DLC1: variants seen among roughly 807,000 people sequenced by gnomAD.
DLC1 encodes rho GTPase-activating protein 7.
A neutral mutation model predicts 140.3 loss-of-function variants in DLC1; 54 were observed. The ratio of observed to expected loss-of-function variants is 0.38; its 90% CI spans 0.31 to 0.48. The LOEUF is 0.48. Ranked by LOEUF, DLC1 falls within the 20% of genes least tolerant of loss-of-function variation. The pLI is 0.96. For missense variants in DLC1, 2,536 were observed against 1,907.0 expected (o/e 1.33, Z -6.14); for synonymous variants, 986 against 728.1 (o/e 1.35, Z -5.70).
At chr8:13,259,206 A>G (rs144900761) in intron 5 of DLC1, among the ~76,000 whole-genome samples, 1 of 152,070 alleles carries the variant, frequency 6.6e-6, no homozygotes, top group African/African-American at 2.4e-5. Context: ...TACCCACTCC[A>G]TCACTCCAGT....
chr8:13,147,732 G>C (rs913699918), intron 5 of DLC1, among the ~76,000 whole-genome samples: 1 of 152,052 alleles, frequency 6.6e-6, no homozygotes, highest in African/African-American at 2.4e-5. Context: ...GCTCACGCTT[G>C]TAATCCCAGC....
intron 4 of DLC1, among the ~76,000 whole-genome samples, chr8:13,321,538 A>AAAAAG (rs761289075): frequency 4.3e-3 from 49 of 11,424 alleles, no homozygotes; most frequent in Middle Eastern, 0.17. Context: ...CTCAGTCTCA[A>AAAAAG]AAAAGAAAAA....
At chr8:13,523,728 A>G (rs1386510354) in intron 1 of DLC1, among the ~76,000 whole-genome samples, 1 of 152,210 alleles carries the variant, frequency 6.6e-6, no homozygotes, top group Non-Finnish European at 1.5e-5. Flanking sequence ...TTTAGAAGAA[A>G]ATTGAAAGCC....
At chr8:13,324,968 A>G (rs1437719124) in intron 4 of DLC1, among the ~76,000 whole-genome samples, 2 of 152,234 alleles carry the variant, frequency 1.3e-5, no homozygotes, top group Non-Finnish European at 2.9e-5. Context: ...CCAAATGGTT[A>G]GTTTGTTTGT....
chr8:13,094,002 G>T (rs1262219634), intron 12 of DLC1, among the ~76,000 whole-genome samples: 1 of 152,122 alleles, frequency 6.6e-6, no homozygotes, highest in Non-Finnish European at 1.5e-5. Context: ...ATGAATAACA[G>T]AAAAAGATTA....
intron 2 of DLC1, among the ~76,000 whole-genome samples, chr8:13,414,061 T>C (rs1837934126): frequency 6.6e-6 from 1 of 152,156 alleles, no homozygotes; most frequent in African/African-American, 2.4e-5. Context: ...AATTACAGTC[T>C]GTAAAAAGCT....
At chr8:13,093,912 C>A (rs1818289389) in intron 12 of DLC1, among the ~76,000 whole-genome samples, 1 of 152,200 alleles carries the variant, frequency 6.6e-6, no homozygotes, top group Non-Finnish European at 1.5e-5. Flanking sequence ...TTAATTTCGA[C>A]AACTGTTTTC....
intron 5 of DLC1, among the ~76,000 whole-genome samples, chr8:13,239,077 A>T (rs1401744555): frequency 6.6e-6 from 1 of 152,154 alleles, no homozygotes; most frequent in Non-Finnish European, 1.5e-5. Context: ...TGCTTTATAT[A>T]AAAAGGAGAT....
chr8:13,457,837 A>G (rs1799481590), intron 2 of DLC1, among the ~76,000 whole-genome samples: 1 of 152,138 alleles, frequency 6.6e-6, no homozygotes, highest in Admixed American at 6.5e-5. Context: ...TAGAAGGAAG[A>G]AAAACATGAA....
At chr8:13,431,482 C>CAAAAAAAAAAAAAAAAAAAAAAAAAA (rs56057254) in intron 2 of DLC1, among the ~76,000 whole-genome samples, 1 of 40,598 alleles carries the variant, frequency 2.5e-5, no homozygotes, top group Non-Finnish European at 3.9e-5. Context: ...GACTCCGTCT[C>CAAAAAAAAAAAAAAAAAAAAAAAAAA]AAAAAAAAAA....
At chr8:13,284,396 G>A (rs372164840) in intron 5 of DLC1, among the ~76,000 whole-genome samples, 28 of 152,056 alleles carry the variant, frequency 1.8e-4, no homozygotes, top group South Asian at 6.2e-4. Context: ...GCGTGGTGGC[G>A]GGCGCCTGTA....
At chr8:13,346,544 A>G (rs1834348473) in intron 4 of DLC1, among the ~76,000 whole-genome samples, 2 of 152,206 alleles carry the variant, frequency 1.3e-5, no homozygotes, top group South Asian at 2.1e-4. Context: ...AAACCATCAC[A>G]TATGTAAAGT....
chr8:13,204,357 C>G (rs144697129), intron 5 of DLC1, among the ~76,000 whole-genome samples: 1 of 152,262 alleles, frequency 6.6e-6, no homozygotes, highest in African/African-American at 2.4e-5. Context: ...CTGTTACTTG[C>G]CGGCCAATGT....
At chr8:13,417,624 T>G (rs143184978) in intron 2 of DLC1, among the ~76,000 whole-genome samples, 5,237 of 151,800 alleles carry the variant, frequency 0.034, 295 homozygotes, top group African/African-American at 0.12. Flanking sequence ...TGGACATTTG[T>G]GTTGGTTCCA....
chr8:13,593,033 G>A (rs567174374), intron 1 of DLC1, among the ~76,000 whole-genome samples: 4 of 152,110 alleles, frequency 2.6e-5, no homozygotes, highest in African/African-American at 7.2e-5. Flanking sequence ...TAGCTTTGGC[G>A]TATGAATAAG....
chr8:13,465,333 T>C (rs1359326432), intron 2 of DLC1, among the ~76,000 whole-genome samples: 1 of 152,188 alleles, frequency 6.6e-6, no homozygotes, highest in African/African-American at 2.4e-5. Context: ...ATTTTTTTCC[T>C]AATATTATTG....
At chr8:13,392,487 T>G (rs1032809909) in intron 4 of DLC1, among the ~76,000 whole-genome samples, 1 of 152,206 alleles carries the variant, frequency 6.6e-6, no homozygotes, top group African/African-American at 2.4e-5. Context: ...CTGTCATGTT[T>G]TAAAATCAGA....
chr8:13,544,682 TTAAGAA>T (rs1803597915), intron 1 of DLC1, among the ~76,000 whole-genome samples: 2 of 152,174 alleles, frequency 1.3e-5, no homozygotes, highest in Non-Finnish European at 2.9e-5. Flanking sequence ...AATGTAGTCA[TTAAGAA>T]TAAGTTAAGT....
At chr8:13,569,331 G>A (rs193278862) in intron 1 of DLC1, among the ~76,000 whole-genome samples, 4 of 148,936 alleles carry the variant, frequency 2.7e-5, no homozygotes, top group East Asian at 2.0e-4. Flanking sequence ...TACTCTTTGC[G>A]TTAAGACCTT....
Sources: allele counts gnomAD v4.1 joint callset (sites outside exome capture counted in the v4.1 genomes callset), GRCh38; gene constraint gnomAD v4.1.1; transcripts MANE v1.5; gene names NCBI Gene and HGNC (gene_info 2026-07-23, HGNC 2026-07-21).